MMS22L: variants seen among roughly 807,000 people sequenced by gnomAD.
MMS22L encodes the protein MMS22 like, DNA repair protein, also known as protein MMS22-like.
MMS22L carries 74 observed loss-of-function variants against 159.1 expected under a neutral mutation model. The observed-to-expected ratio is 0.47, with a 90% CI of 0.39 to 0.56. The LOEUF is 0.56. Among genes scored for constraint, MMS22L ranks in the 20% least tolerant of loss-of-function variants. The pLI, the probability that MMS22L is intolerant of heterozygous loss-of-function variation, is 0.00. For missense variants in MMS22L, 1,351 were observed against 1,422.1 expected, an observed-to-expected ratio of 0.95 and a Z score of 0.80; for synonymous variants, 517 against 506.9, an observed-to-expected ratio of 1.02 and a Z score of -0.27.
At position 97,173,071 on chromosome 6, in the gene MMS22L, C is replaced by A. The variant is rs777053143; in HGVS notation, c.2831G>T (p.Gly944Val). 7.5e-6 allele frequency: 12 copies of A among 1,610,240 alleles called. No homozygotes were observed. In the South Asian group the frequency reaches 1.3e-4, roughly 18 times the overall value. ...VFSAGLQLTYGMMGILVKSWA... is the reference protein window; with the variant it reads ...VFSAGLQLTYVMMGILVKSWA... ...ATGCCAGGAATACATACCCATCATT[C>A]CATAAGTCAGCTGCAGCCCTGCACT... The change falls in exon 19 of 25, where the codon GGA becomes GTA. Residue 944 changes from glycine (G) to valine (V), a missense_variant. Gly to Val is a moderately radical substitution (Grantham distance 109, BLOSUM62 -3). Transcript: ENST00000683635.
At chr6:97,213,011 T>A (rs1275632210) in intron 14 of MMS22L, among the ~76,000 whole-genome samples, 1 of 152,220 alleles carries the variant, frequency 6.6e-6, no homozygotes, top group Admixed American at 6.5e-5. Context: ...GTTTGAGATA[T>A]TACACAGTTT....
intron 22 of MMS22L, among the ~76,000 whole-genome samples, chr6:97,154,939 G>T (rs2128236138): frequency 6.6e-6 from 1 of 152,110 alleles, no homozygotes; most frequent in African/African-American, 2.4e-5. Flanking sequence ...GGCTATTCTG[G>T]GTCCCCTGTA....
chr6:97,206,528 T>G (rs1011423223), intron 14 of MMS22L, among the ~76,000 whole-genome samples: 1 of 152,162 alleles, frequency 6.6e-6, no homozygotes, highest in Non-Finnish European at 1.5e-5. Flanking sequence ...AAATTCTGTT[T>G]TATGTTCTTA....
rs1800734580 is a variant in MMS22L, at chr6:97,143,513, A to G, written c.*3293T>C. ...AAGAGGAAAACAGTATTTTAGGAAT[A>G]CACATTTCAGAACATAAGCTGTAGG... On this transcript the variant is annotated 3_prime_UTR_variant, in exon 25 of 25. Coordinates refer to ENST00000683635, the MANE Select transcript of MMS22L (RefSeq NM_001350599.2). 6.6e-6 allele frequency: 1 copy of G among 152,256 alleles called. No individual in the cohort carries two copies. Among genetic ancestry groups the G allele is most frequent in the Non-Finnish European group, 1.5e-5 (1 of 68,052 alleles). The allele number at this position is 152,256 out of a possible 1,614,324, so 9.4% of individuals were successfully genotyped here. A position where few individuals can be genotyped will look rare whatever the true frequency, so the allele number is the denominator to read the frequency against.
At chr6:97,161,626 A>T (rs977278562) in intron 22 of MMS22L, among the ~76,000 whole-genome samples, 2 of 152,062 alleles carry the variant, frequency 1.3e-5, no homozygotes, top group Non-Finnish European at 1.5e-5. Flanking sequence ...TTCCAGCAAA[A>T]ACCTGAATAA....
chr6:97,190,351 G>C (rs752692407), intron 14 of MMS22L, among the ~76,000 whole-genome samples: 3 of 152,106 alleles, frequency 2.0e-5, no homozygotes, highest in Non-Finnish European at 4.4e-5. Context: ...GAAACTGAAA[G>C]ACATAACACA....
chr6:97,182,731 T>G (rs1804844144), intron 15 of MMS22L, among the ~76,000 whole-genome samples: 1 of 152,164 alleles, frequency 6.6e-6, no homozygotes, highest in Admixed American at 6.5e-5. Flanking sequence ...CGTATACCAC[T>G]TGATCTACCA....
At chr6:97,282,830 C>T (rs1816890757) in intron 1 of MMS22L, among the ~76,000 whole-genome samples, 1 of 152,202 alleles carries the variant, frequency 6.6e-6, no homozygotes, top group African/African-American at 2.4e-5. Flanking sequence ...GCGTCCCGGG[C>T]TTGCCTAGAA....
chr6:97,189,311 G>A (rs1805601555), intron 14 of MMS22L, among the ~76,000 whole-genome samples: 2 of 149,652 alleles, frequency 1.3e-5, no homozygotes, highest in Non-Finnish European at 1.5e-5. Context: ...TCTAATCCCA[G>A]CATTTTGGGA....
At chr6:97,188,338 G>C (rs1805471385) in intron 14 of MMS22L, among the ~76,000 whole-genome samples, 1 of 152,106 alleles carries the variant, frequency 6.6e-6, no homozygotes, top group South Asian at 2.1e-4. Flanking sequence ...ATCTAAAAAA[G>C]CCATTTTATT....
intron 11 of MMS22L, among the ~76,000 whole-genome samples, chr6:97,244,543 G>T (rs1452637638): frequency 2.6e-5 from 4 of 152,156 alleles, no homozygotes; most frequent in African/African-American, 7.2e-5. Context: ...TGTCAGCTCA[G>T]CCAGAATAAA....
chr6:97,275,466 G>T (rs181480010), intron 4 of MMS22L, among the ~76,000 whole-genome samples: 11 of 152,332 alleles, frequency 7.2e-5, no homozygotes, highest in African/African-American at 2.2e-4. Context: ...GTCAGAGGTT[G>T]CAGTAAGCCG....
Position 97,282,336 on chromosome 6 carries a change from G to T in MMS22L, c.142C>A (p.Leu48Ile). 6.2e-7 allele frequency: 1 copy of T among 1,614,120 alleles called. No individual in the cohort carries two copies. Among genetic ancestry groups the T allele is most frequent in the Non-Finnish European group, 8.5e-7 (1 of 1,180,014 alleles). Reference protein sequence around the residue: ...GGKHFSGESYLCSGALKRLIL... With the variant: ...GGKHFSGESYICSGALKRLIL... ...TACCGCTTAAGGGCTCCGCTGCAGA[G>T]GTAGGATTCTCCAGAAAAATGTTTT... Residue 48 changes from leucine to isoleucine, a missense_variant, in exon 2 of 25, where the codon CTC (leucine) becomes ATC (isoleucine). By Grantham distance (5) the Leu-to-Ile change is conservative. Coordinates refer to ENST00000683635, the MANE Select transcript of MMS22L (RefSeq NM_001350599.2).
intron 22 of MMS22L, 35 bp from the exon 23 acceptor site, chr6:97,151,902 C>A: frequency 6.6e-7 from 1 of 1,507,110 alleles, no homozygotes; most frequent in Non-Finnish European, 9.2e-7. Context: ...GGCACTGTGT[C>A]TGAATTGACC....
chr6:97,203,717 C>G (rs1807440728), intron 14 of MMS22L, among the ~76,000 whole-genome samples: 1 of 152,094 alleles, frequency 6.6e-6, no homozygotes. Flanking sequence ...CCTAATCTAC[C>G]CAGAGCTGGG....
chr6:97,205,789 TTAA>T (rs1354341011), intron 14 of MMS22L, among the ~76,000 whole-genome samples: 3 of 152,146 alleles, frequency 2.0e-5, no homozygotes, highest in Non-Finnish European at 4.4e-5. Context: ...AATGCTACAT[TTAA>T]TAATGATTCA....
At chr6:97,199,634 C>T (rs73490406) in intron 14 of MMS22L, among the ~76,000 whole-genome samples, 206 of 152,088 alleles carry the variant, frequency 1.4e-3, no homozygotes, top group African/African-American at 4.8e-3. Context: ...CAACCAGAAA[C>T]TAGTGACCAT....
intron 14 of MMS22L, among the ~76,000 whole-genome samples, chr6:97,190,722 C>T (rs202088307): frequency 8.6e-5 from 13 of 151,968 alleles, no homozygotes; most frequent in East Asian, 1.9e-4. Flanking sequence ...AATTATGCTG[C>T]GTAATAAACA....
At chr6:97,278,255 T>C (rs1212358335) in intron 4 of MMS22L, among the ~76,000 whole-genome samples, 1 of 151,836 alleles carries the variant, frequency 6.6e-6, no homozygotes, top group Admixed American at 6.6e-5. Flanking sequence ...ATATAAAAAT[T>C]AGCTGGGGGT....
Sources: gnomAD v4.1 joint callset for allele counts (sites outside exome capture counted in the v4.1 genomes callset) on GRCh38, gnomAD v4.1.1 for gene constraint, MANE v1.5 for transcripts, NCBI Gene and HGNC (gene_info 2026-07-23, HGNC 2026-07-21) for gene names.